KIRREL3: variants seen among roughly 807,000 people sequenced by gnomAD.
KIRREL3 encodes the protein kin of IRRE-like protein 3.
KIRREL3 carries 36 observed loss-of-function variants against 89.7 expected under a neutral mutation model. The observed-to-expected ratio is 0.40, with a 90% CI of 0.31 to 0.53. KIRREL3 has a LOEUF of 0.53. KIRREL3 is among the 20% of genes least tolerant of loss of function. The probability of loss-of-function intolerance (pLI) is 0.49; values close to 1 mark genes in which losing one functional copy is unlikely to be tolerated. For missense variants in KIRREL3, 864 were observed against 1,056.6 expected (o/e 0.82, Z 2.53); for synonymous variants, 445 against 441.4 (o/e 1.01, Z -0.10).
At position 126,490,456 on chromosome 11, in the gene KIRREL3, TG is replaced by T. The variant is rs1369581886; in HGVS notation, c.434-16991del. On this transcript the variant is annotated intron_variant, in intron 4 of 16. Transcript: ENST00000525144. This position sits in a 1 kb window ranked among gnomAD's most constrained non-coding sequence, Gnocchi z 4.2. ...GCTCAGAAAAGACCATGTAGGCCTG[TG>T]TTCCACGGGTGCTCAGAAATCCTGG... 6.6e-6 allele frequency among the ~76,000 whole-genome samples: 1 copy of T among 151,998 alleles called. No homozygotes were observed. The highest frequency in any genetic ancestry group is 1.5e-5 in the Non-Finnish European group (1 of 68,000).
intron 1 of KIRREL3, among the ~76,000 whole-genome samples, chr11:126,813,456 G>T (rs1951456186): frequency 6.6e-6 from 1 of 152,052 alleles, no homozygotes; most frequent in African/African-American, 2.4e-5. Flanking sequence ...TGATATTTTT[G>T]GTTAAAAAGT....
chr11:126,950,429 G>A (rs1312739063), intron 1 of KIRREL3, among the ~76,000 whole-genome samples: 2 of 152,098 alleles, frequency 1.3e-5, no homozygotes, highest in Non-Finnish European at 2.9e-5. Flanking sequence ...GACACCCAAT[G>A]TCTACAATAC....
Position 126,516,657 on chromosome 11 carries a change from C to T in KIRREL3, c.433+4658G>A, listed in dbSNP as rs911171712. 2.0e-5 allele frequency among the ~76,000 whole-genome samples: 3 copies of T among 152,198 alleles called. No homozygotes were observed. Among genetic ancestry groups the T allele is most frequent in the South Asian group, 2.1e-4 (1 of 4,830 alleles). On this transcript the variant is annotated intron_variant, in intron 4 of 16. Transcript: ENST00000525144. The surrounding 1 kb of genome is among the most constrained non-coding windows in gnomAD (Gnocchi z 4.9). ...CCTCCCTGCCCTGGATGTCCCAACA[C>T]CTTGCTTCCCAAGTTTCCAGGAAGT...
At chr11:126,448,519 T>C (rs985671918) in intron 8 of KIRREL3, among the ~76,000 whole-genome samples, 1 of 152,140 alleles carries the variant, frequency 6.6e-6, no homozygotes, top group African/African-American at 2.4e-5. Flanking sequence ...CTGCAATTCG[T>C]AAATTGAAAT....
rs548007573 is a variant in KIRREL3 at position 126,937,788 on chromosome 11, G to A, written c.55+62667C>T. 2.3e-3 allele frequency among the ~76,000 whole-genome samples: 351 copies of A among 152,268 alleles called. 3 individuals carry two copies. The highest frequency in any genetic ancestry group is 8.0e-3 in the African/African-American group (333 of 41,560). ...GTGGCAGGTGCCTGTAGTCCCAGCT[G>A]CTCGGGAGGCTGAGGCAGGAGAATG... On this transcript the variant is annotated intron_variant, in intron 1 of 16. Transcript: ENST00000525144.
chr11:126,461,346 C>G (rs1361085339), intron 6 of KIRREL3, among the ~76,000 whole-genome samples: 1 of 152,244 alleles, frequency 6.6e-6, no homozygotes. Flanking sequence ...AGCCGAGGGT[C>G]GGAGATTAAG....
rs761335608 is a variant in KIRREL3 at position 126,597,547 on chromosome 11, G to A, written c.56-34635C>T. ...GAAACAGGGAAAGAGGAAGCTGGTG[G>A]GAAGGACAACCCTGTCACATTCTTT... On this transcript the variant is annotated intron_variant, in intron 1 of 16. Transcript: ENST00000525144. Among the ~76,000 whole-genome samples, 262 of 152,272 alleles carry A rather than the reference G, an allele frequency of 1.7e-3. 2 individuals are homozygous for A. The highest frequency in any genetic ancestry group is 2.9e-3 in the Non-Finnish European group (194 of 68,018).
chr11:126,459,415 C>T lies in KIRREL3; in HGVS notation c.743-2961G>A, dbSNP rs886086553. Among the ~76,000 whole-genome samples, 6 of 152,128 alleles carry T rather than the reference C, an allele frequency of 3.9e-5. No individual in the cohort carries two copies. Among genetic ancestry groups the T allele is most frequent in the Admixed American group, 6.5e-5 (1 of 15,274 alleles). On this transcript the variant is annotated intron_variant, in intron 6 of 16. Coordinates refer to ENST00000525144, the MANE Select transcript of KIRREL3 (RefSeq NM_032531.4). The surrounding 1 kb of genome is among the most constrained non-coding windows in gnomAD (Gnocchi z 4.8). ...CATCGTCTTTGGTGATCACCTGCCCCGAAGCGATTCACAAGGGTTCCACAC... is the reference window on the plus strand; with the variant it reads ...CATCGTCTTTGGTGATCACCTGCCCTGAAGCGATTCACAAGGGTTCCACAC...
At chr11:126,654,923 C>T (rs934404916) in intron 1 of KIRREL3, among the ~76,000 whole-genome samples, 2 of 152,190 alleles carry the variant, frequency 1.3e-5, no homozygotes, top group African/African-American at 4.8e-5. Context: ...GAGGACCATT[C>T]ATTCACCCCA....
upstream of KIRREL3, among the ~76,000 whole-genome samples, chr11:127,002,721 G>C (rs1400961333): frequency 1.3e-4 from 20 of 152,148 alleles, no homozygotes; most frequent in Admixed American, 1.3e-3. Flanking sequence ...AACATTTGAC[G>C]TTTTAACTAA....
intron 11 of KIRREL3, among the ~76,000 whole-genome samples, chr11:126,438,462 A>G (rs547955313): frequency 6.6e-6 from 1 of 152,174 alleles, no homozygotes; most frequent in South Asian, 2.1e-4. Flanking sequence ...GCATTGCAGG[A>G]TGTCAGCAGC....
At chr11:126,894,036 C>A (rs1441461936) in intron 1 of KIRREL3, among the ~76,000 whole-genome samples, 1 of 152,180 alleles carries the variant, frequency 6.6e-6, no homozygotes, top group Non-Finnish European at 1.5e-5. Context: ...AGCAGGCTCT[C>A]CCCCAGTGCA....
intron 1 of KIRREL3, among the ~76,000 whole-genome samples, chr11:126,959,038 TTCTC>T (rs150608413): frequency 6.6e-6 from 1 of 150,780 alleles, no homozygotes. Context: ...AAAGACTGAC[TTCTC>T]TCTCTCTCTC....
At position 126,651,176 on chromosome 11, in the gene KIRREL3, T is replaced by G. The variant is rs1357855774; in HGVS notation, c.56-88264A>C. Among the ~76,000 whole-genome samples, 1 of 152,168 alleles carries G rather than the reference T, an allele frequency of 6.6e-6. No individual in the cohort carries two copies. Reference sequence around the variant, plus strand: ...CAGCAAAACCATATCAGAAAAGAACTGCAATCCACGTCTAAATGAGAAAAT... The same window carrying G: ...CAGCAAAACCATATCAGAAAAGAACGGCAATCCACGTCTAAATGAGAAAAT... On this transcript the variant is annotated intron_variant, in intron 1 of 16. Coordinates refer to ENST00000525144, the MANE Select transcript of KIRREL3 (RefSeq NM_032531.4). This position sits in a 1 kb window ranked among gnomAD's most constrained non-coding sequence, Gnocchi z 4.6.
intron 1 of KIRREL3, among the ~76,000 whole-genome samples, chr11:126,813,770 CA>C (rs138822412): frequency 0.068 from 8,771 of 129,016 alleles, 265 homozygotes; most frequent in Non-Finnish European, 0.079. Flanking sequence ...GAAACAAAGG[CA>C]AAAAAAAAAA....
chr11:126,579,971 G>T lies in KIRREL3; in HGVS notation c.56-17059C>A, dbSNP rs184432798. On this transcript the variant is annotated intron_variant, in intron 1 of 16. Transcript: ENST00000525144. The surrounding 1 kb of genome is among the most constrained non-coding windows in gnomAD (Gnocchi z 5.3). ...CGCCATTCTCCTGCCTCAGCCTCCC[G>T]AGTAGCTGGGACTATAGGCGCCCGC... Among the ~76,000 whole-genome samples, 2 of 151,678 alleles carry T rather than the reference G, an allele frequency of 1.3e-5. No homozygotes were observed. The highest frequency in any genetic ancestry group is 3.9e-4 in the East Asian group (2 of 5,144).
At chr11:126,556,959 C>T (rs561821045) in intron 2 of KIRREL3, among the ~76,000 whole-genome samples, 1 of 152,198 alleles carries the variant, frequency 6.6e-6, no homozygotes, top group Non-Finnish European at 1.5e-5. Context: ...AGAAAAAATG[C>T]ACCCCAAAGC....
At chr11:126,786,900 G>A (rs1160027368) in intron 1 of KIRREL3, among the ~76,000 whole-genome samples, 1 of 152,210 alleles carries the variant, frequency 6.6e-6, no homozygotes, top group Non-Finnish European at 1.5e-5. Flanking sequence ...TCTGCAGGAA[G>A]GGAGGACAGG....
In KIRREL3 at chr11:126,636,608, T is replaced by C. The variant is rs1262517556; in HGVS notation, c.56-73696A>G. 6.6e-6 allele frequency among the ~76,000 whole-genome samples: 1 copy of C among 152,238 alleles called. No individual in the cohort carries two copies. Among genetic ancestry groups the C allele is most frequent in the Non-Finnish European group, 1.5e-5 (1 of 68,044 alleles). ...GAGTCTTACCTTAGTCTCCTGTCTT[T>C]TCTTCTGCCCTCCTGGACCCAGCTT... On this transcript the variant is annotated intron_variant, in intron 1 of 16. Coordinates refer to ENST00000525144, the MANE Select transcript of KIRREL3 (RefSeq NM_032531.4). This position sits in a 1 kb window ranked among gnomAD's most constrained non-coding sequence, Gnocchi z 4.4.
Sources: allele counts gnomAD v4.1 joint callset (sites outside exome capture counted in the v4.1 genomes callset), GRCh38; gene constraint gnomAD v4.1.1; non-coding constraint Gnocchi (gnomAD v3.1); transcripts MANE v1.5; gene names NCBI Gene and HGNC (gene_info 2026-07-23, HGNC 2026-07-21).